Variants in ZNF341 observed in about 807,000 individuals in gnomAD.
ZNF341 encodes the protein zinc finger protein 341.
ZNF341 carries 52 observed loss-of-function variants against 87.7 expected under a neutral mutation model. That is an observed-to-expected ratio of 0.59 (90% CI 0.47 to 0.75). The LOEUF is 0.75. Ranked by LOEUF, ZNF341 falls within the 30% of genes least tolerant of loss-of-function variation. ZNF341 has a pLI of 0.00. For synonymous variants in ZNF341, 459 were observed against 472.7 expected, an observed-to-expected ratio of 0.97 and a Z score of 0.38; for missense variants, 977 against 1,145.9, an observed-to-expected ratio of 0.85 and a Z score of 2.13.
At chr20:33,782,798 C>A (rs2019770597) in intron 11 of ZNF341, among the ~76,000 whole-genome samples, 1 of 152,218 alleles carries the variant, frequency 6.6e-6, no homozygotes, top group Admixed American at 6.5e-5. Flanking sequence ...ACATGCCCTT[C>A]TTTTGCCTGG....
rs539322157 is a variant in ZNF341 at position 33,757,231 on chromosome 20, A to T, written c.825A>T (p.Gly275=). 6.2e-7 allele frequency: 1 copy of T among 1,602,620 alleles called. No homozygotes were observed. Among genetic ancestry groups the T allele is most frequent in the African/African-American group, 1.3e-5 (1 of 74,308 alleles). The part of the protein sequence containing the change: ...SPGKQGFKPK[G]PNPAAPMTSA... ...GCAAACAGGGATTCAAACCCAAAGGACCAAACCCCGCCGCCCCCATGACCA... is the reference window on the plus strand; with the variant it reads ...GCAAACAGGGATTCAAACCCAAAGGTCCAAACCCCGCCGCCCCCATGACCA... The change falls in exon 6 of 15, where the codon GGA becomes GGT. Residue 275 remains glycine (G), a synonymous_variant. Transcript: ENST00000375200.
Position 33,767,061 on chromosome 20 carries a change from AG to A in ZNF341, c.1413+24del. Reference sequence around the variant, plus strand: ...GAGCAGGTAGGTGGATGGTGGCAGCAGGGGCCCACACCACACCAGTCGAAAC... The same window carrying A: ...GAGCAGGTAGGTGGATGGTGGCAGCAGGGCCCACACCACACCAGTCGAAAC... On this transcript the variant is annotated intron_variant, in intron 9 of 14. Transcript: ENST00000375200. The A allele has an allele frequency of 6.2e-7, 1 of 1,603,144 alleles. No homozygotes were observed. The highest frequency in any genetic ancestry group is 1.7e-5 in the Admixed American group (1 of 59,646).
Position 33,791,460 on chromosome 20 carries a change from G to A in ZNF341, c.2508G>A (p.Gly836=). Residue 836 remains glycine (G), a synonymous_variant, in exon 15 of 15, where the codon GGG becomes GGA. Transcript: ENST00000375200. ...TGGCTCTGGCGGAGCTGCAGGCTGG[G>A]GCCGAGGGCCCATGTGCCATGCTCG... ...SNLALAELQA[G]AEGPCAMLAV... 2 of 1,602,362 alleles carry A rather than the reference G, an allele frequency of 1.2e-6. No individual in the cohort carries two copies. Among genetic ancestry groups the A allele is most frequent in the Non-Finnish European group, 1.7e-6 (2 of 1,177,330 alleles).
rs188145880 is a variant in ZNF341, at chr20:33,736,581, C to T, written c.32-4321C>T. On this transcript the variant is annotated intron_variant, in intron 1 of 14. Coordinates refer to ENST00000375200, the MANE Select transcript of ZNF341 (RefSeq NM_001282933.2). ...CTTGGCTCACTGCAACCTCCACATCCCAAGTTCAAGCGATTCTCCTGCCTC... is the reference window on the plus strand; with the variant it reads ...CTTGGCTCACTGCAACCTCCACATCTCAAGTTCAAGCGATTCTCCTGCCTC... 2.6e-3 allele frequency among the ~76,000 whole-genome samples: 398 copies of T among 152,188 alleles called. 3 individuals are homozygous for T. Among genetic ancestry groups the T allele is most frequent in the African/African-American group, 9.0e-3 (372 of 41,532 alleles).
chr20:33,759,141 G>T (rs577627181), intron 7 of ZNF341, among the ~76,000 whole-genome samples: 1 of 152,332 alleles, frequency 6.6e-6, no homozygotes, highest in East Asian at 1.9e-4. Flanking sequence ...TACCAGGGCT[G>T]CCATACTCTG....
At chr20:33,759,229 C>T (rs770952178) in intron 7 of ZNF341, among the ~76,000 whole-genome samples, 1 of 152,200 alleles carries the variant, frequency 6.6e-6, no homozygotes, top group Non-Finnish European at 1.5e-5. Flanking sequence ...GTTTTTCCAT[C>T]TGTGGAAGGG....
chr20:33,767,063 G>A, intron 9 of ZNF341, 22 bp downstream of exon 9: 1 of 1,602,564 alleles, frequency 6.2e-7, no homozygotes, highest in South Asian at 1.1e-5. Context: ...GTGGCAGCAG[G>A]GGCCCACACC....
In ZNF341 at chr20:33,790,521, T is replaced by G. The variant is rs2019985608; in HGVS notation, c.2036-467T>G. On this transcript the variant is annotated intron_variant, in intron 14 of 14. Coordinates refer to ENST00000375200, the MANE Select transcript of ZNF341 (RefSeq NM_001282933.2). Reference sequence around the variant, plus strand: ...TGTCTCTAGGCATTGCTGAGTCCTCTGGGGGGTAAAGTCTCCCTTGTTTGA... The same window carrying G: ...TGTCTCTAGGCATTGCTGAGTCCTCGGGGGGGTAAAGTCTCCCTTGTTTGA... Among the ~76,000 whole-genome samples the G allele has an allele frequency of 2.0e-5, 3 of 152,158 alleles. 1 individual carries two copies. In the South Asian group the frequency reaches 6.2e-4, roughly 32 times the overall value.
intron 8 of ZNF341, among the ~76,000 whole-genome samples, chr20:33,763,271 A>G (rs1313081214): frequency 6.6e-6 from 1 of 152,130 alleles, no homozygotes; most frequent in Non-Finnish European, 1.5e-5. Flanking sequence ...TAGTGTACCC[A>G]TCACCCAAAT....
chr20:33,758,601 A>G (rs2019229137), intron 6 of ZNF341, 115 bp from the exon 7 acceptor site: 2 of 783,732 alleles, frequency 2.6e-6, no homozygotes, highest in East Asian at 5.4e-5. Flanking sequence ...GTGTATGGGC[A>G]TAGACTTCCC....
chr20:33,753,538 C>G, intron 5 of ZNF341, 115 bp downstream of exon 5: 1 of 1,373,932 alleles, frequency 7.3e-7, no homozygotes, highest in South Asian at 1.6e-5. Flanking sequence ...ACCATGAAAA[C>G]CAGACCCGGT....
intron 13 of ZNF341, 101 bp downstream of exon 13, chr20:33,789,075 C>G (rs2122744738): frequency 1.2e-6 from 1 of 820,922 alleles, no homozygotes; most frequent in Non-Finnish European, 1.9e-6. Flanking sequence ...GGGCAGGCCT[C>G]TCCTTTTTTT....
At chr20:33,747,429 A>G (rs2018951670) in intron 3 of ZNF341, among the ~76,000 whole-genome samples, 1 of 138,838 alleles carries the variant, frequency 7.2e-6, no homozygotes, top group South Asian at 2.1e-4. Context: ...TCCCGGCTAA[A>G]ACGGTGAAAC....
chr20:33,766,845 C>G lies in ZNF341; in HGVS notation c.1223-6C>G, dbSNP rs1232140822. 1.3e-6 allele frequency: 2 copies of G among 1,599,216 alleles called. No individual in the cohort carries two copies. The highest frequency in any genetic ancestry group is 1.7e-6 in the Non-Finnish European group (2 of 1,171,426). ...CTTGTCCTGACTTCCCTGGCTTTCT[C>G]CACAGGGTTGGGCCAGCCCCTGCCG... On this transcript the variant is annotated splice_polypyrimidine_tract_variant and splice_region_variant and intron_variant, in intron 8 of 14. Coordinates refer to ENST00000375200, the MANE Select transcript of ZNF341 (RefSeq NM_001282933.2).
At position 33,773,701 on chromosome 20, in the gene ZNF341, A is replaced by T. The variant is rs2019571166; in HGVS notation, c.1622+3409A>T. On this transcript the variant is annotated intron_variant, in intron 10 of 14. Transcript: ENST00000375200. ...GGTACTCAATAAATGTTATTGCTAC[A>T]ATTATTATTATTTGTGTTATTTAAG... 2.0e-5 allele frequency among the ~76,000 whole-genome samples: 3 copies of T among 152,156 alleles called. No individual in the cohort carries two copies. In the South Asian group the frequency reaches 6.2e-4, roughly 32 times the overall value.
Position 33,747,488 on chromosome 20 carries a change from G to A in ZNF341, c.340-1435G>A, listed in dbSNP as rs1020718345. 2.7e-4 allele frequency among the ~76,000 whole-genome samples: 38 copies of A among 143,188 alleles called. 2 individuals are homozygous for A. The highest frequency in any genetic ancestry group is 9.4e-4 in the African/African-American group (33 of 34,986). The allele number at this position is 143,188 out of a possible 152,430, so 93.9% of individuals were successfully genotyped here. On this transcript the variant is annotated intron_variant, in intron 3 of 14. Transcript: ENST00000375200. ...AAATTAGCCGGGCGTAGTGGCGGGC[G>A]CCTGTAGTCCCAGCTACTTGGGAGG...
At chr20:33,744,836 C>T (rs150345009) in intron 2 of ZNF341, among the ~76,000 whole-genome samples, 12 of 152,258 alleles carry the variant, frequency 7.9e-5, no homozygotes, top group African/African-American at 2.9e-4. Flanking sequence ...AGGTGATCCA[C>T]CCTCCAAGGC....
chr20:33,767,212 C>G (rs149704528), intron 9 of ZNF341, among the ~76,000 whole-genome samples, 171 bp downstream of exon 9: 161 of 152,188 alleles, frequency 1.1e-3, no homozygotes, highest in African/African-American at 3.7e-3. Flanking sequence ...GTAAGGTTAC[C>G]CTTGGGGCAA....
At chr20:33,776,392 C>CTTT (rs1341206598) in intron 10 of ZNF341, among the ~76,000 whole-genome samples, 2 of 139,942 alleles carry the variant, frequency 1.4e-5, no homozygotes, top group Admixed American at 7.2e-5. Flanking sequence ...TGCACCTGGC[C>CTTT]TTTTTTTTTT....
Sources: gnomAD v4.1 joint callset for allele counts (sites outside exome capture counted in the v4.1 genomes callset) on GRCh38, gnomAD v4.1.1 for gene constraint, MANE v1.5 for transcripts, NCBI Gene and HGNC (gene_info 2026-07-23, HGNC 2026-07-21) for gene names.